The following LIMS1 variants were observed in gnomAD, a reference collection of about 807,000 sequenced individuals.
LIMS1 encodes the protein LIM zinc finger domain containing 1.
A neutral mutation model predicts 44.1 loss-of-function variants in LIMS1; 18 were observed. The observed-to-expected ratio is 0.41, with a 90% CI of 0.28 to 0.61. The LOEUF (loss-of-function observed/expected upper bound fraction) is 0.61, where lower values mean the gene tolerates loss of function less well. LIMS1 is among the 20% of genes least tolerant of loss of function. The pLI is 0.32. For missense variants in LIMS1, 201 were observed against 422.0 expected (o/e 0.48, Z 4.59); for synonymous variants, 93 against 149.1 (o/e 0.62, Z 2.74).
At chr2:108,634,809 G>A (rs964265012) in intron 1 of LIMS1, among the ~76,000 whole-genome samples, 3 of 152,270 alleles carry the variant, frequency 2.0e-5, no homozygotes, top group Non-Finnish European at 4.4e-5. Context: ...TCACGGCCAG[G>A]CGCAGCAGAG....
chr2:108,590,619 A>G (rs1447131832), intron 1 of LIMS1, among the ~76,000 whole-genome samples: 1 of 152,242 alleles, frequency 6.6e-6, no homozygotes, highest in Non-Finnish European at 1.5e-5. Context: ...CCATGGAGGT[A>G]GTGACTTTTG....
At chr2:108,622,935 GTTAT>G (rs1427990415) in intron 1 of LIMS1, among the ~76,000 whole-genome samples, 1 of 148,826 alleles carries the variant, frequency 6.7e-6, no homozygotes, top group Non-Finnish European at 1.5e-5. Flanking sequence ...CAAGGAAGTA[GTTAT>G]TTACATAGTT....
rs542749933 is a variant in LIMS1 at position 108,572,954 on chromosome 2, A to G, written c.32+38360A>G. On this transcript the variant is annotated intron_variant, in intron 1 of 9. Transcript: ENST00000544547. ...TGTGTTAGCTTTGTTGCTGTTCCGC[A>G]GCTTCCTGGGCCACATCAGACTGAG... is the stretch of plus-strand genomic sequence containing the variant. Among the ~76,000 whole-genome samples, 499 of 152,312 alleles carry G rather than the reference A, an allele frequency of 3.3e-3. 1 individual carries two copies. The highest frequency in any genetic ancestry group is 5.8e-3 in the Admixed American group (89 of 15,298).
At chr2:108,624,566 G>A (rs1411311349) in intron 1 of LIMS1, among the ~76,000 whole-genome samples, 1 of 151,886 alleles carries the variant, frequency 6.6e-6, no homozygotes, top group African/African-American at 2.4e-5. Flanking sequence ...AGACCAGTCT[G>A]GCCAACGTGG....
chr2:108,614,868 GTTTA>G, intron 1 of LIMS1, among the ~76,000 whole-genome samples: 1 of 152,168 alleles, frequency 6.6e-6, no homozygotes, highest in Non-Finnish European at 1.5e-5. Flanking sequence ...AGGAATTGTG[GTTTA>G]TTTTTTAAGA....
exon 3 of LIMS1, chr2:108,670,806 A>C (rs752429615): frequency 6.2e-7 from 1 of 1,611,766 alleles, no homozygotes; most frequent in Non-Finnish European, 8.5e-7. Flanking sequence ...TACTGTGAAC[A>C]TGACTTTCAG....
At chr2:108,565,543 CT>C (rs1307096673) in intron 1 of LIMS1, among the ~76,000 whole-genome samples, 4 of 152,220 alleles carry the variant, frequency 2.6e-5, no homozygotes, top group African/African-American at 9.6e-5. Flanking sequence ...AAATCATGAC[CT>C]TTTAAACCAT....
chr2:108,534,401 T>C, exon 1 of LIMS1: 1 of 332,652 alleles, frequency 3.0e-6, no homozygotes, highest in Non-Finnish European at 4.9e-6. Flanking sequence ...CCGCCTCGCC[T>C]TCCCCCCCCT....
At position 108,642,341 on chromosome 2, in the gene LIMS1, TGTTTTTTTTTTTTTTTGTTTTTTG is replaced by T. The variant is rs755243858; in HGVS notation, c.33-17263_33-17240del. ...GTAATTTTAAGCTACTAGTGTTTTT[TGTTTTTTTTTTTTTTTGTTTTTTG>T]TTTTTTTTTTTTGAGACGGAGTCTC... On this transcript the variant is annotated intron_variant, in intron 1 of 9. Transcript: ENST00000544547. 2.4e-4 allele frequency among the ~76,000 whole-genome samples: 29 copies of T among 122,138 alleles called. 1 individual carries two copies. The highest frequency in any genetic ancestry group is 7.2e-4 in the African/African-American group (20 of 27,686). The allele number at this position is 122,138 out of a possible 152,430, so 80.1% of individuals were successfully genotyped here.
chr2:108,583,749 C>T (rs544142590), intron 1 of LIMS1, among the ~76,000 whole-genome samples: 4 of 133,072 alleles, frequency 3.0e-5, no homozygotes, highest in African/African-American at 1.1e-4. Context: ...GGCTGGAGTG[C>T]AGTGGTGTGA....
At chr2:108,600,921 C>CTCTTG (rs1553457963) in intron 1 of LIMS1, among the ~76,000 whole-genome samples, 1 of 151,574 alleles carries the variant, frequency 6.6e-6, no homozygotes, top group Non-Finnish European at 1.5e-5. Context: ...CTCTTCTCTT[C>CTCTTG]TCTTCTCTTC....
chr2:108,536,123 A>G (rs1169631397), intron 1 of LIMS1, among the ~76,000 whole-genome samples: 1 of 152,254 alleles, frequency 6.6e-6, no homozygotes, highest in African/African-American at 2.4e-5. Flanking sequence ...TTTCCTTTTA[A>G]GACCTTCAAA....
At chr2:108,542,255 T>G (rs576840738) in intron 1 of LIMS1, among the ~76,000 whole-genome samples, 36 of 152,340 alleles carry the variant, frequency 2.4e-4, no homozygotes, top group African/African-American at 8.2e-4. Context: ...CAGATGATAT[T>G]TAGGCATCCT....
intron 1 of LIMS1, among the ~76,000 whole-genome samples, chr2:108,651,506 A>G (rs1690484505): frequency 1.3e-5 from 2 of 152,300 alleles, no homozygotes; most frequent in African/African-American, 2.4e-5. Flanking sequence ...TTTTACATTC[A>G]TATAAAATGT....
intron 1 of LIMS1, among the ~76,000 whole-genome samples, chr2:108,595,108 G>A (rs1232013253): frequency 6.6e-6 from 1 of 152,150 alleles, no homozygotes; most frequent in Non-Finnish European, 1.5e-5. Flanking sequence ...TTTATGGAGA[G>A]CAGTAAGGTC....
intron 1 of LIMS1, among the ~76,000 whole-genome samples, chr2:108,636,163 T>C (rs917383851): frequency 1.6e-4 from 24 of 152,208 alleles, no homozygotes; most frequent in African/African-American, 4.8e-4. Flanking sequence ...GGAGGAGCCC[T>C]ACTCCGTGCC....
At chr2:108,578,091 A>C (rs575355189) in intron 1 of LIMS1, among the ~76,000 whole-genome samples, 1 of 152,206 alleles carries the variant, frequency 6.6e-6, no homozygotes, top group East Asian at 1.9e-4. Context: ...TGTATTTTTT[A>C]GTAGAGATGG....
intron 1 of LIMS1, among the ~76,000 whole-genome samples, chr2:108,591,042 T>A (rs1686360415): frequency 6.6e-6 from 1 of 152,098 alleles, no homozygotes; most frequent in Non-Finnish European, 1.5e-5. Flanking sequence ...GGAGTATTGG[T>A]CTTGAGGGCA....
At chr2:108,583,754 G>T (rs1247317328) in intron 1 of LIMS1, among the ~76,000 whole-genome samples, 1 of 140,854 alleles carries the variant, frequency 7.1e-6, no homozygotes, top group Non-Finnish European at 1.5e-5. Context: ...GAGTGCAGTG[G>T]TGTGATCTCA....
Sources: gnomAD v4.1 joint callset for allele counts (sites outside exome capture counted in the v4.1 genomes callset) on GRCh38, gnomAD v4.1.1 for gene constraint, MANE v1.5 for transcripts, NCBI Gene and HGNC (gene_info 2026-07-23, HGNC 2026-07-21) for gene names.